The following ADGRL3 variants were observed in gnomAD, a reference collection of about 807,000 sequenced individuals.
The protein encoded by ADGRL3 is calcium-independent alpha-latrotoxin receptor 3.
In ADGRL3, 62 loss-of-function variants were observed where a neutral mutation model predicts 153.5. The observed-to-expected ratio is 0.40, with a 90% CI of 0.33 to 0.50. ADGRL3 has a LOEUF of 0.50. Ranked by LOEUF, ADGRL3 falls within the 20% of genes least tolerant of loss-of-function variation. ADGRL3 has a pLI of 0.47. For missense variants in ADGRL3, 1,641 were observed against 1,859.4 expected (o/e 0.88, Z 2.16); for synonymous variants, 710 against 672.5 (o/e 1.06, Z -0.86).
At chr4:61,508,437 A>G (rs2098443812) in intron 3 of ADGRL3, among the ~76,000 whole-genome samples, 1 of 152,206 alleles carries the variant, frequency 6.6e-6, no homozygotes, top group African/African-American at 2.4e-5. Flanking sequence ...GTAACATAGT[A>G]GCTTAGTGTT....
chr4:61,519,343 A>G (rs1002586455), intron 4 of ADGRL3, among the ~76,000 whole-genome samples: 14 of 152,194 alleles, frequency 9.2e-5, no homozygotes, highest in African/African-American at 2.4e-4. Flanking sequence ...CAATTTACAA[A>G]TAGAAAAGCT....
chr4:61,972,096 A>G (rs2099030228), intron 17 of ADGRL3, among the ~76,000 whole-genome samples: 1 of 151,728 alleles, frequency 6.6e-6, no homozygotes, highest in African/African-American at 2.4e-5. Context: ...ATTTTCTCCC[A>G]TTTTGTAGGT....
At chr4:61,698,279 G>A (rs1372041337) in intron 6 of ADGRL3, among the ~76,000 whole-genome samples, 1 of 151,952 alleles carries the variant, frequency 6.6e-6, no homozygotes, top group East Asian at 1.9e-4. Context: ...GTGAAACCGC[G>A]TCTCTACTAA....
At chr4:61,998,564 T>A (rs1581807575) in intron 21 of ADGRL3, among the ~76,000 whole-genome samples, 1 of 151,754 alleles carries the variant, frequency 6.6e-6, no homozygotes, top group African/African-American at 2.4e-5. Flanking sequence ...TAGGGCAGGT[T>A]ATTCTTTTTT....
At chr4:61,781,573 C>T (rs774355293) in intron 8 of ADGRL3, among the ~76,000 whole-genome samples, 13 of 152,044 alleles carry the variant, frequency 8.6e-5, no homozygotes, top group Non-Finnish European at 1.2e-4. Flanking sequence ...AGTTTTATCC[C>T]GACTCTAACT....
Position 62,077,270 on chromosome 4 carries a change from C to T in ADGRL3, c.*6362C>T, listed in dbSNP as rs557296887. 6.6e-6 allele frequency: 1 copy of T among 152,036 alleles called. No individual in the cohort carries two copies. The highest frequency in any genetic ancestry group is 2.1e-4 in the South Asian group (1 of 4,828). 9.4% of individuals were successfully genotyped at this position (152,036 alleles called of 1,614,324 possible). On this transcript the variant is annotated 3_prime_UTR_variant, in exon 27 of 27. Coordinates refer to ENST00000683033, the MANE Select transcript of ADGRL3 (RefSeq NM_001387552.1). ...ATAATTTTTAAATGATGATGCTCCA[C>T]TCTTTGATCTACAGACAAGGTTACA... is the stretch of plus-strand genomic sequence containing the variant.
At chr4:61,916,409 A>C (rs1479818140) in intron 13 of ADGRL3, among the ~76,000 whole-genome samples, 1 of 152,172 alleles carries the variant, frequency 6.6e-6, no homozygotes, top group Non-Finnish European at 1.5e-5. Context: ...CCAAGGTAGA[A>C]GGATTTTTTG....
chr4:61,438,260 T>C (rs1161122853), intron 2 of ADGRL3, among the ~76,000 whole-genome samples: 1 of 152,158 alleles, frequency 6.6e-6, no homozygotes, highest in African/African-American at 2.4e-5. Flanking sequence ...CTAAAATGCA[T>C]ATGAAAATAT....
At chr4:61,765,660 C>T (rs530424677) in intron 8 of ADGRL3, among the ~76,000 whole-genome samples, 14 of 152,152 alleles carry the variant, frequency 9.2e-5, no homozygotes, top group Admixed American at 2.0e-4. Flanking sequence ...TAAATGACTG[C>T]GGTGGCCTTC....
At chr4:61,700,486 C>T (rs551136301) in intron 6 of ADGRL3, among the ~76,000 whole-genome samples, 13 of 152,162 alleles carry the variant, frequency 8.5e-5, no homozygotes, top group African/African-American at 3.1e-4. Context: ...ACCGCGGATT[C>T]AGGAAAGAAT....
At chr4:61,284,326 T>C (rs1334956441) in intron 1 of ADGRL3, among the ~76,000 whole-genome samples, 2 of 151,834 alleles carry the variant, frequency 1.3e-5, no homozygotes, top group Non-Finnish European at 2.9e-5. Context: ...AAACATAGAC[T>C]CAACTTCCTT....
intron 6 of ADGRL3, among the ~76,000 whole-genome samples, chr4:61,709,426 A>G (rs549502976): frequency 6.6e-6 from 1 of 152,174 alleles, no homozygotes; most frequent in Non-Finnish European, 1.5e-5. Context: ...TTGATCCTTC[A>G]GTCATGTTAA....
At chr4:61,440,625 C>T (rs1164553541) in intron 2 of ADGRL3, among the ~76,000 whole-genome samples, 2 of 152,094 alleles carry the variant, frequency 1.3e-5, no homozygotes, top group Non-Finnish European at 2.9e-5. Flanking sequence ...CTAGAATCTA[C>T]AGATGGTAGG....
intron 1 of ADGRL3, among the ~76,000 whole-genome samples, chr4:61,320,139 G>T (rs1259435318): frequency 6.6e-6 from 1 of 152,170 alleles, no homozygotes; most frequent in African/African-American, 2.4e-5. Flanking sequence ...TTCTGGAAAT[G>T]AATTGGCTGG....
At chr4:61,515,769 T>G (rs1365715092) in intron 3 of ADGRL3, among the ~76,000 whole-genome samples, 1 of 152,192 alleles carries the variant, frequency 6.6e-6, no homozygotes, top group Non-Finnish European at 1.5e-5. Flanking sequence ...AAAACATGCC[T>G]GTATATATTC....
At chr4:61,651,080 A>C (rs532457589) in intron 5 of ADGRL3, among the ~76,000 whole-genome samples, 1 of 152,284 alleles carries the variant, frequency 6.6e-6, no homozygotes, top group African/African-American at 2.4e-5. Context: ...GGGCAAAATT[A>C]AATATTTTTC....
chr4:61,645,473 C>A (rs1302755196), intron 5 of ADGRL3, among the ~76,000 whole-genome samples: 4 of 151,282 alleles, frequency 2.6e-5, no homozygotes, highest in African/African-American at 9.7e-5. Flanking sequence ...TCTTTTAGGG[C>A]AGGCCTGGTG....
At chr4:61,903,530 A>G (rs6551668) in intron 11 of ADGRL3, among the ~76,000 whole-genome samples, 142,229 of 151,874 alleles carry the variant, frequency 0.94, 66,867 homozygotes, top group East Asian at 1. Context: ...ACTTTAAGAT[A>G]AAGAGAGGGC....
intron 1 of ADGRL3, among the ~76,000 whole-genome samples, chr4:61,293,037 C>CTA (rs2094282948): frequency 6.6e-6 from 1 of 152,140 alleles, no homozygotes; most frequent in African/African-American, 2.4e-5. Flanking sequence ...TCAGTCCCAC[C>CTA]TATAGCTAGT....
Sources: gnomAD v4.1 joint callset for allele counts (sites outside exome capture counted in the v4.1 genomes callset) on GRCh38, gnomAD v4.1.1 for gene constraint, MANE v1.5 for transcripts, NCBI Gene and HGNC (gene_info 2026-07-23, HGNC 2026-07-21) for gene names.